ASIC2: variants seen among roughly 807,000 people sequenced by gnomAD.
ASIC2 encodes the protein acid sensing ion channel subunit 2.
Under a neutral mutation model 57.3 loss-of-function variants are expected in ASIC2, and 25 were observed. The observed-to-expected ratio is 0.44, with a 90% CI of 0.32 to 0.61. ASIC2 has a LOEUF of 0.61. ASIC2 is among the 20% of genes least tolerant of loss of function. The pLI is 0.06. For missense variants in ASIC2, 641 were observed against 738.1 expected (o/e 0.87, Z 1.52); for synonymous variants, 319 against 307.5 (o/e 1.04, Z -0.39).
intron 1 of ASIC2, among the ~76,000 whole-genome samples, chr17:33,564,775 T>C (rs1179319221): frequency 2.0e-5 from 3 of 152,050 alleles, no homozygotes; most frequent in Non-Finnish European, 2.9e-5. Flanking sequence ...AGGTTGTGGG[T>C]TTATGGGAAT....
chr17:34,014,247 G>C (rs1368193297), intron 1 of ASIC2, among the ~76,000 whole-genome samples: 2 of 152,194 alleles, frequency 1.3e-5, no homozygotes, highest in Non-Finnish European at 2.9e-5. Flanking sequence ...TTCTACAGGA[G>C]AGGAAATCAA....
intron 1 of ASIC2, among the ~76,000 whole-genome samples, chr17:33,746,595 T>C (rs117537822): frequency 0.016 from 2,485 of 151,816 alleles, 39 homozygotes; most frequent in East Asian, 0.027. Flanking sequence ...TCTGACCACA[T>C]TGAAGGGAGA....
rs1555595824 is a variant in ASIC2, at chr17:34,095,635, A to ATATATATATATATATATAATTT, written c.555+60342_555+60343insAAATTATATATATATATATATA. 3.9e-3 allele frequency among the ~76,000 whole-genome samples: 386 copies of ATATATATATATATATATAATTT among 97,988 alleles called. 5 individuals are homozygous for ATATATATATATATATATAATTT. The highest frequency in any genetic ancestry group is 6.0e-3 in the Non-Finnish European group (281 of 46,570). 64.3% of individuals were successfully genotyped at this position (97,988 alleles called of 152,430 possible). A position where few individuals can be genotyped will look rare whatever the true frequency, so the allele number is the denominator to read the frequency against. ...TATATATATATATATATATAATTTTATATATATATATATATATATAATTTT... is the reference window on the plus strand; with the variant it reads ...TATATATATATATATATATAATTTTATATATATATATATATATAATTTTATATATATATATATATATAATTTT... On this transcript the variant is annotated intron_variant, in intron 1 of 9. Coordinates refer to the ASIC2 transcript ENST00000359872.
At chr17:33,879,024 G>A (rs1355588623) in intron 1 of ASIC2, among the ~76,000 whole-genome samples, 1 of 152,108 alleles carries the variant, frequency 6.6e-6, no homozygotes, top group Non-Finnish European at 1.5e-5. Flanking sequence ...ATAAGTGAAG[G>A]AGAAATAAAA....
intron 1 of ASIC2, among the ~76,000 whole-genome samples, chr17:33,128,205 T>C (rs1338379297): frequency 6.6e-6 from 1 of 152,208 alleles, no homozygotes; most frequent in Non-Finnish European, 1.5e-5. Flanking sequence ...TGTGCTCCCC[T>C]CCATCCTGTC....
chr17:33,357,952 A>C (rs1480396882), intron 1 of ASIC2, among the ~76,000 whole-genome samples: 1 of 152,142 alleles, frequency 6.6e-6, no homozygotes, highest in African/African-American at 2.4e-5. Flanking sequence ...TCCCATCCCT[A>C]CTGAAATGGA....
chr17:33,913,002 T>A (rs1037316805), intron 1 of ASIC2, among the ~76,000 whole-genome samples: 39 of 151,696 alleles, frequency 2.6e-4, no homozygotes, highest in Non-Finnish European at 1.2e-4. Context: ...AATAATAAAT[T>A]AAATAAATAA....
At chr17:33,929,038 A>C (rs895377703) in intron 1 of ASIC2, among the ~76,000 whole-genome samples, 1 of 152,002 alleles carries the variant, frequency 6.6e-6, no homozygotes, top group African/African-American at 2.4e-5. Context: ...CTTTTACTCA[A>C]ACCAGATAGC....
chr17:33,476,667 C>A (rs970603289), intron 1 of ASIC2, among the ~76,000 whole-genome samples: 1 of 151,500 alleles, frequency 6.6e-6, no homozygotes, highest in African/African-American at 2.4e-5. Flanking sequence ...TGAGAGCTGG[C>A]CAAATGGTGA....
intron 1 of ASIC2, among the ~76,000 whole-genome samples, chr17:33,741,435 A>G (rs1910107977): frequency 6.6e-6 from 1 of 152,180 alleles, no homozygotes; most frequent in African/African-American, 2.4e-5. Context: ...GGACACTAAA[A>G]TGCTTTACTT....
intron 1 of ASIC2, among the ~76,000 whole-genome samples, chr17:33,409,276 A>G (rs770240755): frequency 6.6e-6 from 1 of 152,200 alleles, no homozygotes; most frequent in Non-Finnish European, 1.5e-5. Flanking sequence ...CATCAACTCC[A>G]ATATTCAAGG....
chr17:33,746,032 G>A lies in ASIC2; in HGVS notation c.555+409946C>T, dbSNP rs549237588. ...TAATATATTTAACAATAACCACACA[G>A]AAAAGGTAGACAGGAGCAAAATCAT... is the stretch of plus-strand genomic sequence containing the variant. On this transcript the variant is annotated intron_variant, in intron 1 of 9. Transcript: ENST00000359872. Among the ~76,000 whole-genome samples, 8 of 151,976 alleles carry A rather than the reference G, an allele frequency of 5.3e-5. No individual in the cohort carries two copies. In the South Asian group the frequency reaches 1.7e-3, roughly 32 times the overall value.
At chr17:34,135,581 G>A (rs1912103673) in intron 1 of ASIC2, among the ~76,000 whole-genome samples, 2 of 152,110 alleles carry the variant, frequency 1.3e-5, no homozygotes, top group Non-Finnish European at 2.9e-5. Context: ...TGATTCCAAT[G>A]TGCAGCCAAG....
At chr17:33,824,390 G>A (rs1912843645) in intron 1 of ASIC2, among the ~76,000 whole-genome samples, 1 of 151,732 alleles carries the variant, frequency 6.6e-6, no homozygotes, top group African/African-American at 2.4e-5. Context: ...ATATATGTAT[G>A]TATATAATTT....
intron 8 of ASIC2, 78 bp from the exon 9 acceptor site, chr17:33,016,117 C>T (rs1033956735): frequency 2.8e-6 from 4 of 1,436,094 alleles, no homozygotes; most frequent in African/African-American, 1.4e-5. Context: ...CCATTGGGCC[C>T]CACTGGGGTG....
intron 1 of ASIC2, chr17:34,037,296 T>C (rs1379670276): frequency 4.6e-6 from 1 of 219,098 alleles, no homozygotes; most frequent in South Asian, 1.1e-4. Context: ...CCCCCCTGAG[T>C]CTGCATGTTT....
chr17:33,718,333 C>G (rs755420693), intron 1 of ASIC2, among the ~76,000 whole-genome samples: 1 of 152,090 alleles, frequency 6.6e-6, no homozygotes, highest in Non-Finnish European at 1.5e-5. Flanking sequence ...CCCGTGGATA[C>G]AGAGGCTGAC....
At chr17:33,888,448 T>G in intron 1 of ASIC2, among the ~76,000 whole-genome samples, 1 of 152,144 alleles carries the variant, frequency 6.6e-6, no homozygotes, top group East Asian at 1.9e-4. Context: ...CTCCACCTCC[T>G]AACCCTAACC....
At chr17:33,765,055 G>A (rs1217498617) in intron 1 of ASIC2, among the ~76,000 whole-genome samples, 1 of 152,146 alleles carries the variant, frequency 6.6e-6, no homozygotes, top group Non-Finnish European at 1.5e-5. Context: ...GGAAAAAGCA[G>A]CAGTCAAAAC....
Sources: allele counts gnomAD v4.1 joint callset (sites outside exome capture counted in the v4.1 genomes callset), GRCh38; gene constraint gnomAD v4.1.1; transcripts MANE v1.5; gene names NCBI Gene and HGNC (gene_info 2026-07-23, HGNC 2026-07-21).